Variants in UNC80 observed in about 807,000 individuals in gnomAD.
UNC80 encodes unc-80 subunit of NALCN channel complex.
A neutral mutation model predicts 384.6 loss-of-function variants in UNC80; 164 were observed. That is an observed-to-expected ratio of 0.43 (90% CI 0.38 to 0.49). The LOEUF is 0.49. Among genes scored for constraint, UNC80 ranks in the 20% least tolerant of loss-of-function variants. UNC80 has a pLI of 0.00. For missense variants in UNC80, 3,330 were observed against 4,143.0 expected (o/e 0.80, Z 5.39); for synonymous variants, 1,486 against 1,527.8 (o/e 0.97, Z 0.64).
chr2:209,891,933 C>T (rs987017232), intron 26 of UNC80, among the ~76,000 whole-genome samples: 10 of 152,058 alleles, frequency 6.6e-5, no homozygotes, highest in Non-Finnish European at 1.0e-4. Context: ...GAAATAAACA[C>T]GCTGAGGACA....
chr2:209,809,387 C>G (rs2079169060), intron 7 of UNC80: 2 of 1,124,950 alleles, frequency 1.8e-6, no homozygotes, highest in Non-Finnish European at 1.4e-6. Context: ...CATGTCCGGA[C>G]CCACACTGGT....
intron 28 of UNC80, among the ~76,000 whole-genome samples, chr2:209,901,969 A>G (rs960985360): frequency 3.3e-5 from 5 of 152,000 alleles, no homozygotes; most frequent in Non-Finnish European, 7.4e-5. Context: ...TATAGCTGCC[A>G]CCACAGACAG....
rs1380332642 is a variant in UNC80, at chr2:209,862,097, T to C, written c.3628-10661T>C. On this transcript the variant is annotated intron_variant, in intron 22 of 64. Coordinates refer to ENST00000673920, the MANE Select transcript of UNC80 (RefSeq NM_001371986.1). Reference sequence around the variant, plus strand: ...GCTAGCTTTTGGATTAGTTTATTCTTGCCTCTCTAGCTCTTTTAATTGTGA... The same window carrying C: ...GCTAGCTTTTGGATTAGTTTATTCTCGCCTCTCTAGCTCTTTTAATTGTGA... 4.6e-5 allele frequency among the ~76,000 whole-genome samples: 7 copies of C among 152,228 alleles called. No individual in the cohort carries two copies. The East Asian group carries it at 1.3e-3, about 29-fold the overall frequency.
intron 18 of UNC80, 127 bp downstream of exon 18, chr2:209,835,137 T>C (rs1045732124): frequency 3.5e-5 from 24 of 684,268 alleles, no homozygotes; most frequent in Non-Finnish European, 3.4e-5. Context: ...TTCTACCCTT[T>C]ACATTTCATT....
intron 60 of UNC80, 65 bp downstream of exon 60, chr2:209,982,382 C>T: frequency 6.9e-7 from 1 of 1,454,260 alleles, no homozygotes; most frequent in Non-Finnish European, 9.1e-7. Context: ...TGAAAATACA[C>T]TCCTGTTATT....
intron 7 of UNC80, among the ~76,000 whole-genome samples, chr2:209,799,736 A>G (rs2078416171): frequency 6.6e-6 from 1 of 152,182 alleles, no homozygotes; most frequent in African/African-American, 2.4e-5. Context: ...TTATTTTGAG[A>G]TATGTTCCAT....
At chr2:209,829,518 G>C in intron 15 of UNC80, 139 bp downstream of exon 15, 1 of 869,784 alleles carries the variant, frequency 1.1e-6, no homozygotes. Context: ...GTGGGTGTGT[G>C]TATAGAGTAT....
At chr2:209,874,694 A>G (rs1456984985) in intron 23 of UNC80, among the ~76,000 whole-genome samples, 2 of 152,132 alleles carry the variant, frequency 1.3e-5, no homozygotes, top group African/African-American at 2.4e-5. Flanking sequence ...TTCCAATATA[A>G]CTTACTTCAG....
intron 10 of UNC80, 59 bp from the exon 11 acceptor site, chr2:209,817,752 CT>C: frequency 6.5e-7 from 1 of 1,541,512 alleles, no homozygotes; most frequent in South Asian, 1.2e-5. Flanking sequence ...AAGACAATAT[CT>C]TGGCAGAATA....
In UNC80 at chr2:209,839,458, G is replaced by A. The variant is rs1352712657; in HGVS notation, c.3250+28G>A. 1 of 1,550,752 alleles carries A rather than the reference G, an allele frequency of 6.4e-7. No individual in the cohort carries two copies. The highest frequency in any genetic ancestry group is 1.4e-5 in the African/African-American group (1 of 73,020). ...AAAAGTATGTCTGTATTTGTTTATG[G>A]ATTATCTTATTACCAACCATGTCCT... On this transcript the variant is annotated intron_variant, in intron 19 of 64. Transcript: ENST00000673920. This position sits in a 1 kb window ranked among gnomAD's most constrained non-coding sequence, Gnocchi z 4.1.
chr2:209,928,403 A>C (rs998848003), intron 36 of UNC80, among the ~76,000 whole-genome samples: 2 of 152,178 alleles, frequency 1.3e-5, no homozygotes, highest in African/African-American at 4.8e-5. Context: ...GACATACTCC[A>C]AACTGTTAAT....
rs1033879936 is a variant in UNC80, at chr2:209,915,412, A to C, written c.5029+1472A>C. 5.2e-3 allele frequency among the ~76,000 whole-genome samples: 787 copies of C among 151,342 alleles called. 9 individuals carry two copies. The highest frequency in any genetic ancestry group is 0.018 in the African/African-American group (738 of 41,060). On this transcript the variant is annotated intron_variant, in intron 31 of 64. Coordinates refer to ENST00000673920, the MANE Select transcript of UNC80 (RefSeq NM_001371986.1). The stretch of plus-strand genomic sequence containing the variant: ...AGAGTGAGACTCTGTCTCAAAAAAA[A>C]AAAAAAAAAAAACAAAAACTGGGTG...
intron 64 of UNC80, among the ~76,000 whole-genome samples, chr2:209,995,026 C>T (rs1299869193): frequency 6.6e-6 from 1 of 152,102 alleles, no homozygotes; most frequent in Non-Finnish European, 1.5e-5. Flanking sequence ...GGCAATGTTA[C>T]TGTATACATT....
chr2:209,995,487 T>A lies in UNC80; in HGVS notation c.9867T>A (p.His3289Gln), dbSNP rs201312129. 4.2e-5 allele frequency: 65 copies of A among 1,551,730 alleles called. No individual in the cohort carries two copies. Among genetic ancestry groups the A allele is most frequent in the Admixed American group, 1.8e-4 (9 of 50,990 alleles). The stretch of plus-strand genomic sequence containing the variant: ...TACAGCATGGAGACACTGTCCTTCA[T>A]ATCAGTGAGGAAAATGGCATGGAGA... Reference protein sequence around the residue: ...SLLQHGDTVLHISEENGMENP... With the variant: ...SLLQHGDTVLQISEENGMENP... The change falls in exon 65 of 65, where the codon CAT becomes CAA. Residue 3289 changes from histidine (H) to glutamine (Q), a missense_variant. Around this residue, in one of 8 missense-constraint regions of UNC80, gnomAD observed 236 missense variants for 254.9 expected, o/e 0.93. Coordinates refer to ENST00000673920, the MANE Select transcript of UNC80 (RefSeq NM_001371986.1).
intron 22 of UNC80, among the ~76,000 whole-genome samples, chr2:209,867,275 C>G (rs1363038133): frequency 2.6e-5 from 4 of 152,166 alleles, no homozygotes; most frequent in Non-Finnish European, 4.4e-5. Flanking sequence ...TATCCATCTT[C>G]CTAAGTGACG....
At chr2:209,962,608 G>A (rs1024353120) in intron 51 of UNC80, among the ~76,000 whole-genome samples, 3 of 152,152 alleles carry the variant, frequency 2.0e-5, no homozygotes, top group African/African-American at 7.2e-5. Context: ...GCTATTTCAT[G>A]GCCTGGATCA....
At chr2:209,962,879 A>G (rs1344610571) in intron 51 of UNC80, among the ~76,000 whole-genome samples, 2 of 152,264 alleles carry the variant, frequency 1.3e-5, no homozygotes, top group African/African-American at 4.8e-5. Flanking sequence ...AAATTTGCGA[A>G]TTGAGGGTAG....
Position 209,813,766 on chromosome 2 carries a change from T to G in UNC80, c.1125T>G (p.Ile375Met). 1 of 1,551,916 alleles carries G rather than the reference T, an allele frequency of 6.4e-7. No homozygotes were observed. Among genetic ancestry groups the G allele is most frequent in the Non-Finnish European group, 8.7e-7 (1 of 1,147,052 alleles). Residue 375 changes from isoleucine to methionine, a missense_variant, in exon 8 of 65, where the codon ATT becomes ATG. Around this residue, in one of 8 missense-constraint regions of UNC80, gnomAD observed 937 missense variants for 1,026.8 expected, o/e 0.91. Coordinates refer to ENST00000673920, the MANE Select transcript of UNC80 (RefSeq NM_001371986.1). ...EKPEKPPEPDIPLLPRPRSSS... is the reference protein window; with the variant it reads ...EKPEKPPEPDMPLLPRPRSSS... ...CAGAAAAGCCTCCGGAGCCAGATAT[T>G]CCTCTCCTGCCCAGACCCAGGAGTA...
rs938530559 is a variant in UNC80 at position 209,997,797 on chromosome 2, T to G, written c.*2202T>G. 6.6e-6 allele frequency: 1 copy of G among 152,170 alleles called. No homozygotes were observed. Among genetic ancestry groups the G allele is most frequent in the Admixed American group, 6.5e-5 (1 of 15,272 alleles). The allele number at this position is 152,170 out of a possible 1,614,324, so 9.4% of individuals were successfully genotyped here. ...TACTGAAATTTTGCAGATGTGTGCA[T>G]CTGTTCCATTTAAGGTGCCCTTAAA... On this transcript the variant is annotated 3_prime_UTR_variant, in exon 65 of 65. Transcript: ENST00000673920.
Sources: gnomAD v4.1 joint callset for allele counts (sites outside exome capture counted in the v4.1 genomes callset) on GRCh38, gnomAD v4.1.1 for gene constraint, gnomAD v4.1.1 regional missense constraint, Gnocchi (gnomAD v3.1) non-coding constraint, MANE v1.5 for transcripts, NCBI Gene and HGNC (gene_info 2026-07-23, HGNC 2026-07-21) for gene names.